ESRRG: variants seen among roughly 807,000 people sequenced by gnomAD.
ESRRG encodes estrogen related receptor gamma.
ESRRG carries 13 observed loss-of-function variants against 44.0 expected under a neutral mutation model. That is an observed-to-expected ratio of 0.30 (90% CI 0.19 to 0.47). The LOEUF (loss-of-function observed/expected upper bound fraction) is 0.47. Ranked by LOEUF, ESRRG falls within the 20% of genes least tolerant of loss-of-function variation. ESRRG has a pLI of 1.00. For synonymous variants in ESRRG, 215 were observed against 214.6 expected, an observed-to-expected ratio of 1.00 and a Z score of -0.02; for missense variants, 395 against 580.6, an observed-to-expected ratio of 0.68 and a Z score of 3.29.
intron 1 of ESRRG, among the ~76,000 whole-genome samples, chr1:216,692,414 G>A (rs2079236715): frequency 1.3e-5 from 2 of 151,738 alleles, no homozygotes; most frequent in South Asian, 4.2e-4. Context: ...ACCTTATAGA[G>A]TAAGAATATT....
intron 2 of ESRRG, among the ~76,000 whole-genome samples, chr1:216,852,171 G>T (rs1184249066): frequency 6.6e-6 from 1 of 152,154 alleles, no homozygotes; most frequent in Non-Finnish European, 1.5e-5. Context: ...GTATTATTTT[G>T]TCCAAGTCCT....
At position 216,715,330 on chromosome 1, in the gene ESRRG, C is replaced by T. The variant is rs372238003; in HGVS notation, c.56+7914G>A. The T allele has an allele frequency of 9.7e-6, 7 of 724,388 alleles. No individual in the cohort carries two copies. In the African/African-American group the frequency reaches 1.3e-4, roughly 14 times the overall value. 44.9% of individuals were successfully genotyped at this position (724,388 alleles called of 1,614,324 possible). ...CAGTCACTTTCTCATAGGAAAAAGA[C>T]ATGGTTCTCACCAACCATATACATC... is the stretch of plus-strand genomic sequence containing the variant. On this transcript the variant is annotated intron_variant, in intron 1 of 6. Transcript: ENST00000408911.
intron 1 of ESRRG, among the ~76,000 whole-genome samples, chr1:216,973,731 C>T (rs950289437): frequency 6.6e-6 from 1 of 151,148 alleles, no homozygotes; most frequent in Admixed American, 6.6e-5. Flanking sequence ...GAGGCTGAGG[C>T]GCAAGAATTG....
chr1:216,767,782 C>T (rs1559555946), intron 2 of ESRRG, among the ~76,000 whole-genome samples: 1 of 152,012 alleles, frequency 6.6e-6, no homozygotes, highest in Non-Finnish European at 1.5e-5. Context: ...TGCATTTGCT[C>T]CCAGGACGAG....
intron 1 of ESRRG, among the ~76,000 whole-genome samples, chr1:216,990,382 C>T (rs1486669670): frequency 3.9e-5 from 6 of 152,102 alleles, no homozygotes; most frequent in South Asian, 4.1e-4. Context: ...ATGCAAACAA[C>T]GTTTTAGCCT....
chr1:216,613,002 T>C (rs1574097674), intron 3 of ESRRG, among the ~76,000 whole-genome samples: 2 of 152,202 alleles, frequency 1.3e-5, no homozygotes, highest in Admixed American at 1.3e-4. Flanking sequence ...GAAGAAATTT[T>C]CAGCTTTTCG....
intron 1 of ESRRG, among the ~76,000 whole-genome samples, chr1:216,958,116 A>G (rs1169068081): frequency 6.6e-6 from 1 of 152,216 alleles, no homozygotes; most frequent in Non-Finnish European, 1.5e-5. Context: ...ATTAATAGTT[A>G]TATCATTTTA....
Position 216,615,010 on chromosome 1 carries a change from T to A in ESRRG, c.589+35963A>T, listed in dbSNP as rs1295119761. Among the ~76,000 whole-genome samples, 4 of 152,268 alleles carry A rather than the reference T, an allele frequency of 2.6e-5. No homozygotes were observed. In the East Asian group the frequency reaches 5.8e-4, roughly 22 times the overall value. On this transcript the variant is annotated intron_variant, in intron 3 of 6. Transcript: ENST00000408911. ...TGCTAGGTTATTCTAGGCGGCTTGG[T>A]CATAAGGAGTAAAATGAAAAATTCA... is the stretch of plus-strand genomic sequence containing the variant.
intron 1 of ESRRG, among the ~76,000 whole-genome samples, chr1:216,710,839 T>A (rs2083441884): frequency 6.6e-6 from 1 of 152,040 alleles, no homozygotes; most frequent in Non-Finnish European, 1.5e-5. Context: ...TCTTTTTTGA[T>A]CTTAGTACCA....
At chr1:217,051,136 G>C (rs2085888370) in intron 1 of ESRRG, among the ~76,000 whole-genome samples, 1 of 147,426 alleles carries the variant, frequency 6.8e-6, no homozygotes, top group African/African-American at 2.5e-5. Context: ...TGGCCAGAAG[G>C]CTGAAGTCAG....
At chr1:217,120,259 G>T (rs917280619) in intron 1 of ESRRG, among the ~76,000 whole-genome samples, 2 of 150,296 alleles carry the variant, frequency 1.3e-5, no homozygotes, top group Non-Finnish European at 2.9e-5. Flanking sequence ...CCTCATCCTA[G>T]AAATATTTTA....
intron 2 of ESRRG, among the ~76,000 whole-genome samples, chr1:216,883,731 A>G (rs1211092473): frequency 2.6e-5 from 4 of 152,184 alleles, no homozygotes; most frequent in African/African-American, 9.6e-5. Context: ...TGGTAGCACC[A>G]CAAAGATTCA....
At chr1:217,036,005 T>C (rs1031768600) in intron 1 of ESRRG, among the ~76,000 whole-genome samples, 2 of 152,134 alleles carry the variant, frequency 1.3e-5, no homozygotes, top group Non-Finnish European at 2.9e-5. Flanking sequence ...ACAAAGGACA[T>C]GAACAGACAT....
At chr1:216,589,239 G>C (rs2057229846) in intron 3 of ESRRG, among the ~76,000 whole-genome samples, 1 of 152,126 alleles carries the variant, frequency 6.6e-6, no homozygotes, top group African/African-American at 2.4e-5. Flanking sequence ...GATTTGCTTT[G>C]CAGGACGTAG....
At chr1:216,840,872 C>T (rs775334584) in intron 2 of ESRRG, among the ~76,000 whole-genome samples, 2 of 152,090 alleles carry the variant, frequency 1.3e-5, no homozygotes, top group Non-Finnish European at 2.9e-5. Context: ...ACAATAATAA[C>T]ATCAAAGATC....
intron 2 of ESRRG, chr1:216,939,508 G>A (rs148698187): frequency 2.6e-5 from 4 of 152,106 alleles, no homozygotes; most frequent in Non-Finnish European, 5.9e-5. Context: ...CCTCTAATGT[G>A]TATCACGTGG....
chr1:216,963,094 A>G (rs1372628961), intron 1 of ESRRG, among the ~76,000 whole-genome samples: 1 of 152,218 alleles, frequency 6.6e-6, no homozygotes, highest in African/African-American at 2.4e-5. Flanking sequence ...TGGAGATTTA[A>G]TGAGATGATG....
intron 1 of ESRRG, among the ~76,000 whole-genome samples, chr1:216,705,561 C>T (rs1307074564): frequency 6.6e-6 from 1 of 152,164 alleles, no homozygotes. Context: ...GCAAAACAGG[C>T]TGAGCATTAT....
chr1:216,876,143 T>C (rs1193934317), intron 2 of ESRRG, among the ~76,000 whole-genome samples: 1 of 152,162 alleles, frequency 6.6e-6, no homozygotes, highest in African/African-American at 2.4e-5. Flanking sequence ...ATATGTTTCC[T>C]GGAACAGTAC....
Sources: allele counts gnomAD v4.1 joint callset (sites outside exome capture counted in the v4.1 genomes callset), GRCh38; gene constraint gnomAD v4.1.1; transcripts MANE v1.5; gene names NCBI Gene and HGNC (gene_info 2026-07-23, HGNC 2026-07-21).